The following SPECC1 variants were observed in gnomAD, a reference collection of about 807,000 sequenced individuals.
The protein encoded by SPECC1 is cytospin-B.
In SPECC1, 62 loss-of-function variants were observed where a neutral mutation model predicts 104.1. The ratio of observed to expected loss-of-function variants is 0.60; its 90% CI spans 0.49 to 0.74. SPECC1 has a LOEUF of 0.74. Ranked by LOEUF, SPECC1 falls within the 30% of genes least tolerant of loss-of-function variation. The pLI, the probability that SPECC1 is intolerant of heterozygous loss-of-function variation, is 0.00. For missense variants in SPECC1, 1,306 were observed against 1,310.5 expected, an observed-to-expected ratio of 1.00 and a Z score of 0.05; for synonymous variants, 513 against 501.6, an observed-to-expected ratio of 1.02 and a Z score of -0.30.
chr17:20,260,029 G>A (rs970443745), intron 11 of SPECC1, among the ~76,000 whole-genome samples, 163 bp from the exon 12 acceptor site: 1 of 152,200 alleles, frequency 6.6e-6, no homozygotes, highest in Non-Finnish European at 1.5e-5. Flanking sequence ...TTTATACTGT[G>A]AGATATCACA....
At chr17:20,273,503 C>T (rs1397237727) in intron 12 of SPECC1, among the ~76,000 whole-genome samples, 4 of 151,462 alleles carry the variant, frequency 2.6e-5, no homozygotes, top group Non-Finnish European at 2.9e-5. Flanking sequence ...TGGAGAGTGA[C>T]TACCTCAGCC....
At chr17:20,167,404 C>T (rs1326235898) in intron 3 of SPECC1, among the ~76,000 whole-genome samples, 2 of 152,048 alleles carry the variant, frequency 1.3e-5, no homozygotes, top group East Asian at 1.9e-4. Flanking sequence ...CCCAGCTGGG[C>T]GCAGTGGCTC....
At chr17:20,292,657 T>C (rs945468470) in intron 12 of SPECC1, among the ~76,000 whole-genome samples, 3 of 152,106 alleles carry the variant, frequency 2.0e-5, no homozygotes, top group Admixed American at 6.6e-5. Context: ...AGTGTCCAGG[T>C]TTCATCAGGT....
At chr17:20,110,389 A>G in intron 2 of SPECC1, 38 bp from the exon 3 acceptor site, 2 of 1,572,508 alleles carry the variant, frequency 1.3e-6, no homozygotes, top group South Asian at 2.3e-5. Flanking sequence ...CCTGAAAACC[A>G]CCTCTTCATC....
At chr17:20,024,804 G>A (rs1354639272) in intron 1 of SPECC1, among the ~76,000 whole-genome samples, 1 of 152,156 alleles carries the variant, frequency 6.6e-6, no homozygotes, top group African/African-American at 2.4e-5. Flanking sequence ...AGCTTCATGG[G>A]TGGTAGGTAG....
chr17:20,289,586 G>A (rs1304493997), intron 12 of SPECC1, among the ~76,000 whole-genome samples: 7 of 152,204 alleles, frequency 4.6e-5, no homozygotes, highest in Non-Finnish European at 5.9e-5. Flanking sequence ...ATTAACAAGC[G>A]TGAGCTACTG....
intron 3 of SPECC1, among the ~76,000 whole-genome samples, chr17:20,152,955 G>A (rs1243306476): frequency 1.3e-5 from 2 of 152,074 alleles, no homozygotes; most frequent in South Asian, 2.1e-4. Flanking sequence ...GTGAGCCTCC[G>A]CCAGCCTCTT....
chr17:20,027,498 C>G (rs989465835), intron 1 of SPECC1, among the ~76,000 whole-genome samples: 3 of 152,084 alleles, frequency 2.0e-5, no homozygotes, highest in African/African-American at 7.2e-5. Flanking sequence ...AGATCTTTGC[C>G]TGGACCAATG....
chr17:20,112,285 G>C, intron 3 of SPECC1: 14 of 762,160 alleles, frequency 1.8e-5, no homozygotes, highest in Non-Finnish European at 2.5e-6. Flanking sequence ...TTGTGTCATG[G>C]AGAGCTTATT....
At chr17:20,283,333 T>C (rs1201362480) in intron 12 of SPECC1, among the ~76,000 whole-genome samples, 1 of 152,196 alleles carries the variant, frequency 6.6e-6, no homozygotes, top group Non-Finnish European at 1.5e-5. Flanking sequence ...GCAGCAAATA[T>C]AAAAGAAGTC....
chr17:20,016,256 C>A (rs28865331), intron 1 of SPECC1, among the ~76,000 whole-genome samples: 10,252 of 149,624 alleles, frequency 0.069, 957 homozygotes, highest in African/African-American at 0.21. Context: ...AATCAGTGTT[C>A]AAAACCAGAC....
intron 1 of SPECC1, among the ~76,000 whole-genome samples, chr17:20,041,323 A>G (rs974499794): frequency 6.6e-6 from 1 of 150,380 alleles, no homozygotes; most frequent in Non-Finnish European, 1.5e-5. Context: ...GCTCACCGCA[A>G]CCTCCACCTC....
chr17:20,047,290 A>G (rs2045575118), intron 1 of SPECC1, among the ~76,000 whole-genome samples: 2 of 152,158 alleles, frequency 1.3e-5, no homozygotes, highest in Admixed American at 1.3e-4. Flanking sequence ...CTCAGTAGGC[A>G]GCATTCTTTT....
chr17:20,050,355 A>G (rs534221919), intron 1 of SPECC1, among the ~76,000 whole-genome samples: 1 of 152,198 alleles, frequency 6.6e-6, no homozygotes, highest in Non-Finnish European at 1.5e-5. Flanking sequence ...TTGGAATACT[A>G]GATTTATCGT....
chr17:20,065,292 A>G (rs1298475464), intron 1 of SPECC1, among the ~76,000 whole-genome samples: 1 of 152,162 alleles, frequency 6.6e-6, no homozygotes, highest in Non-Finnish European at 1.5e-5. Context: ...CCCACAGGGC[A>G]AAACTCAGGC....
intron 12 of SPECC1, among the ~76,000 whole-genome samples, chr17:20,270,178 G>A (rs1204165426): frequency 6.6e-6 from 1 of 152,054 alleles, no homozygotes; most frequent in Non-Finnish European, 1.5e-5. Flanking sequence ...AAATGTTCTG[G>A]AACTAGGTAG....
At chr17:20,233,025 T>G (rs1430672439) in intron 7 of SPECC1, among the ~76,000 whole-genome samples, 1 of 152,224 alleles carries the variant, frequency 6.6e-6, no homozygotes, top group Non-Finnish European at 1.5e-5. Context: ...ACAGTGACAT[T>G]TAAGAGGAAG....
chr17:20,057,540 C>G (rs2046014563), intron 1 of SPECC1: 1 of 152,224 alleles, frequency 6.6e-6, no homozygotes, highest in Non-Finnish European at 1.5e-5. Context: ...GTCACTCAGG[C>G]TGTGGCGCAG....
intron 3 of SPECC1, among the ~76,000 whole-genome samples, chr17:20,181,876 A>G (rs1263972860): frequency 6.6e-6 from 1 of 152,104 alleles, no homozygotes; most frequent in Non-Finnish European, 1.5e-5. Flanking sequence ...AAGACCTGAG[A>G]TAATGGAGAA....
Sources: allele counts gnomAD v4.1 joint callset (sites outside exome capture counted in the v4.1 genomes callset), GRCh38; gene constraint gnomAD v4.1.1; transcripts MANE v1.5; gene names NCBI Gene and HGNC (gene_info 2026-07-23, HGNC 2026-07-21).